IRF3: variants seen among roughly 807,000 people sequenced by gnomAD.
The protein encoded by IRF3 is interferon regulatory factor 3.
Under a neutral mutation model 43.2 loss-of-function variants are expected in IRF3, and 29 were observed. That is an observed-to-expected ratio of 0.67 (90% CI 0.50 to 0.91). The LOEUF (loss-of-function observed/expected upper bound fraction) is 0.91, where lower values mean the gene tolerates loss of function less well. Ranked by LOEUF, IRF3 falls within the 40% of genes least tolerant of loss-of-function variation. The pLI, the probability that IRF3 is intolerant of heterozygous loss-of-function variation, is 0.00. For synonymous variants in IRF3, 228 were observed against 233.9 expected, an observed-to-expected ratio of 0.97 and a Z score of 0.23; for missense variants, 505 against 559.1, an observed-to-expected ratio of 0.90 and a Z score of 0.98.
chr19:49,664,463 C>T (rs2081539388), intron 2 of IRF3: 1 of 1,526,818 alleles, frequency 6.5e-7, no homozygotes. Context: ...GGTTTTATTC[C>T]CGTAACCCTG....
intron 1 of IRF3, 76 bp downstream of exon 1, chr19:49,665,555 T>C (rs750659339): frequency 2.4e-6 from 1 of 423,998 alleles, no homozygotes; most frequent in South Asian, 3.6e-5. Context: ...CTTTCCACTC[T>C]CCGTGCAGAC....
At position 49,665,818 on chromosome 19, in the gene IRF3, A is replaced by C; in HGVS notation, c.-196T>G. On this transcript the variant is annotated 5_prime_UTR_variant, in exon 1 of 8. Transcript: ENST00000377139. ...ATCATTCTTTGGGTAACAGACCCAA[A>C]AGCCGATGGGACGGCCCGCTGGGCT... is the stretch of plus-strand genomic sequence containing the variant. The C allele has an allele frequency of 6.3e-7, 1 of 1,585,278 alleles. No homozygotes were observed.
In IRF3 at chr19:49,663,364, T is replaced by C. The variant is rs778036856; in HGVS notation, c.316A>G (p.Ile106Val). The change falls in exon 3 of 8, where the codon ATC becomes GTC. Residue 106 changes from isoleucine to valine, a missense_variant. By Grantham distance (29) the Ile-to-Val change is conservative. Transcript: ENST00000377139. ...RSKDPHDPHK[I>V]YEFVNSGVGD... ...AGACCTGAGTTCACAAACTCGTAGA[T>C]TTTATGTGGGTCGTGAGGGTCCTTG... 5.6e-6 allele frequency: 9 copies of C among 1,614,026 alleles called. No homozygotes were observed. The East Asian group carries it at 1.1e-4, about 20-fold the overall frequency.
intron 1 of IRF3, chr19:49,665,361 G>C (rs2081635306): frequency 5.7e-6 from 1 of 173,986 alleles, no homozygotes; most frequent in South Asian, 1.2e-4. Context: ...GCACGCCCCA[G>C]GTTTCGAGAC....
rs980192129 is a variant in IRF3 at position 49,660,744 on chromosome 19, TGGTCCTG to T, written c.1060_1066del (p.Gln354SerfsTer8). ...CATCACGAGCCTCTTGGTCCACGGC[TGGTCCTG>T]GGGCCATGACTCCCCCACACAGAAC... On this transcript the variant is annotated frameshift_variant, in exon 7 of 8. Transcript: ENST00000377139. LOFTEE classifies it high-confidence loss of function. 1 of 1,609,518 alleles carries T rather than the reference TGGTCCTG, an allele frequency of 6.2e-7. No homozygotes were observed. Among genetic ancestry groups the T allele is most frequent in the African/African-American group, 1.3e-5 (1 of 74,854 alleles).
At chr19:49,665,286 C>T (rs2081626728) in intron 1 of IRF3, 1 of 179,112 alleles carries the variant, frequency 5.6e-6, no homozygotes, top group African/African-American at 2.4e-5. Flanking sequence ...TCTCCCAAAA[C>T]ATTTCCAACA....
intron 7 of IRF3, among the ~76,000 whole-genome samples, 194 bp from the exon 8 acceptor site, chr19:49,660,027 A>ACACACACAC (rs57168131): frequency 1.2e-4 from 9 of 74,746 alleles, no homozygotes; most frequent in African/African-American, 6.9e-4. Flanking sequence ...ACACACACAC[A>ACACACACAC]CCCCCTGCTG....
intron 7 of IRF3, 63 bp downstream of exon 7, chr19:49,660,650 G>A (rs1437871906): frequency 2.1e-6 from 3 of 1,453,648 alleles, no homozygotes; most frequent in African/African-American, 2.9e-5. Flanking sequence ...GAGTTCCTGG[G>A]AGCAACCTCT....
chr19:49,664,844 G>A lies in IRF3; in HGVS notation c.-6C>T, dbSNP rs367768465. 3.1e-6 allele frequency: 5 copies of A among 1,609,942 alleles called. No individual in the cohort carries two copies. Among genetic ancestry groups the A allele is most frequent in the East Asian group, 2.2e-5 (1 of 44,830 alleles). On this transcript the variant is annotated splice_region_variant and 5_prime_UTR_variant, in exon 2 of 8. Coordinates refer to ENST00000377139, the MANE Select transcript of IRF3 (RefSeq NM_001571.6). ...CGTGGCTTTGGGGTTCCCATGGTCC[G>A]GCCTGCGCGTATAGGGCATTTCCTG... is the stretch of plus-strand genomic sequence containing the variant.
At chr19:49,665,467 G>C (rs1417615357) in intron 1 of IRF3, 164 bp downstream of exon 1, 1 of 213,452 alleles carries the variant, frequency 4.7e-6, no homozygotes, top group African/African-American at 2.3e-5. Flanking sequence ...ACTTTTTCTA[G>C]TTTTTCTGCA....
chr19:49,664,992 T>TTCCGATCC (rs2081597994), intron 1 of IRF3, 146 bp from the exon 2 acceptor site: 1 of 810,092 alleles, frequency 1.2e-6, no homozygotes, highest in East Asian at 2.7e-5. Context: ...AAACCTCCTC[T>TTCCGATCC]TCCCATCCTC....
Position 49,664,753 on chromosome 19 carries a change from T to C in IRF3, c.86A>G (p.Lys29Arg), listed in dbSNP as rs2122718643. 5.0e-6 allele frequency: 8 copies of C among 1,613,932 alleles called. No individual in the cohort carries two copies. The East Asian group carries it at 1.8e-4, about 36-fold the overall frequency. ...GQLEGVAWVN[K>R]SRTRFRIPWK... Reference sequence around the variant, plus strand: ...AGGGATGCGGAAGCGCGTGCGGCTCTTGTTCACCCAGGCCACGCCCTCCAG... The same window carrying C: ...AGGGATGCGGAAGCGCGTGCGGCTCCTGTTCACCCAGGCCACGCCCTCCAG... Residue 29 changes from lysine to arginine, a missense_variant, in exon 2 of 8, where the codon AAG becomes AGG. Transcript: ENST00000377139.
At position 49,663,328 on chromosome 19, in the gene IRF3, C is replaced by A; in HGVS notation, c.337+15G>T. 2 of 1,614,172 alleles carry A rather than the reference C, an allele frequency of 1.2e-6. No individual in the cohort carries two copies. Among genetic ancestry groups the A allele is most frequent in the Middle Eastern group, 1.6e-4 (1 of 6,062 alleles). The stretch of plus-strand genomic sequence containing the variant: ...TGGGGCCCCAGCCTCCCACACGAAC[C>A]CCAAGCTGGCAGACCTGAGTTCACA... On this transcript the variant is annotated intron_variant, in intron 3 of 7. Coordinates refer to ENST00000377139, the MANE Select transcript of IRF3 (RefSeq NM_001571.6).
chr19:49,663,011 G>A lies in IRF3; in HGVS notation c.408+177C>T, dbSNP rs1206278234. Among the ~76,000 whole-genome samples, 3 of 152,196 alleles carry A rather than the reference G, an allele frequency of 2.0e-5. No individual in the cohort carries two copies. In the South Asian group the frequency reaches 6.2e-4, roughly 32 times the overall value. ...GGTGTGCTCGGGCCTTGAATGCTGG[G>A]TGAAGACTTGGAATTTTCTCCTGAG... On this transcript the variant is annotated intron_variant, in intron 4 of 7. Transcript: ENST00000377139.
chr19:49,660,793 G>T lies in IRF3; in HGVS notation c.1018C>A (p.Pro340Thr). ...ACACAGAACCAGAGGGCATAGCGTG[G>T]TGAGCGTCCGCTTCCTTCCGTGAAG... Reference protein sequence around the residue: ...ITFTEGSGRSPRYALWFCVGE... With the variant: ...ITFTEGSGRSTRYALWFCVGE... Residue 340 changes from proline to threonine, a missense_variant, in exon 7 of 8, where the codon CCA (proline) becomes ACA (threonine). Transcript: ENST00000377139. 1 of 1,609,176 alleles carries T rather than the reference G, an allele frequency of 6.2e-7. No homozygotes were observed.
chr19:49,660,079 T>TACAC (rs961074571), intron 7 of IRF3, among the ~76,000 whole-genome samples: 3 of 145,146 alleles, frequency 2.1e-5, no homozygotes, highest in African/African-American at 5.2e-5. Context: ...GTTGTAGTTT[T>TACAC]ACACACACAC....
chr19:49,661,767 G>T, intron 6 of IRF3, 181 bp downstream of exon 6: 1 of 700,458 alleles, frequency 1.4e-6, no homozygotes, highest in Non-Finnish European at 2.4e-6. Flanking sequence ...CTTTAGTAGA[G>T]ATGGGGTTTC....
rs1448104659 is a variant in IRF3 at position 49,662,232 on chromosome 19, A to G, written c.698T>C (p.Val233Ala). The change falls in exon 6 of 8, where the codon GTG (valine) becomes GCG (alanine). Residue 233 changes from valine (V) to alanine (A), a missense_variant. Physicochemically the swap from Val to Ala is moderately conservative, Grantham distance 64. Coordinates refer to ENST00000377139, the MANE Select transcript of IRF3 (RefSeq NM_001571.6). ...CCATCCAGGCAGCGTCCTGTCTCCC[A>G]CTTCGGACCCCACCAGCCGCAGGCC... ...PEGLRLVGSE[V>A]GDRTLPGWPV... 4 of 1,613,928 alleles carry G rather than the reference A, an allele frequency of 2.5e-6. No homozygotes were observed. Among genetic ancestry groups the G allele is most frequent in the African/African-American group, 1.3e-5 (1 of 75,058 alleles).
intron 2 of IRF3, chr19:49,664,338 C>T (rs574197060): frequency 7.3e-6 from 6 of 826,242 alleles, no homozygotes; most frequent in Admixed American, 4.5e-5. Flanking sequence ...CCAGGCCTCA[C>T]CTCTGATGTT....
Sources: allele counts gnomAD v4.1 joint callset (sites outside exome capture counted in the v4.1 genomes callset), GRCh38; gene constraint gnomAD v4.1.1; transcripts MANE v1.5; gene names NCBI Gene and HGNC (gene_info 2026-07-23, HGNC 2026-07-21).